The following C20orf203 variants were observed in gnomAD, a reference collection of about 807,000 sequenced individuals.
C20orf203 encodes the protein uncharacterized protein C20orf203.
Under a neutral mutation model 15.9 loss-of-function variants are expected in C20orf203, and 16 were observed. The observed-to-expected ratio is 1.01, with a 90% CI of 0.68 to 1.53. The LOEUF (loss-of-function observed/expected upper bound fraction) is 1.53. Ranked by LOEUF, C20orf203 falls within the 40% of genes most tolerant of loss-of-function variation. The pLI, the probability that C20orf203 is intolerant of heterozygous loss-of-function variation, is 0.00. For synonymous variants in C20orf203, 98 were observed against 97.2 expected, an observed-to-expected ratio of 1.01 and a Z score of -0.05; for missense variants, 263 against 247.5, an observed-to-expected ratio of 1.06 and a Z score of -0.42.
chr20:32,643,801 G>C (rs1025811793), intron 4 of C20orf203, among the ~76,000 whole-genome samples: 2 of 152,152 alleles, frequency 1.3e-5, no homozygotes, highest in Non-Finnish European at 2.9e-5. Flanking sequence ...AAACAATGAT[G>C]GTCAAGGTCA....
At chr20:32,642,449 C>G (rs1982309459) in intron 4 of C20orf203, among the ~76,000 whole-genome samples, 1 of 152,218 alleles carries the variant, frequency 6.6e-6, no homozygotes, top group East Asian at 1.9e-4. Context: ...GAAGTCCACA[C>G]CCCAGGAGGA....
At chr20:32,658,743 A>G (rs535843595) in intron 1 of C20orf203, among the ~76,000 whole-genome samples, 143 of 152,200 alleles carry the variant, frequency 9.4e-4, no homozygotes, top group Non-Finnish European at 1.6e-3. Flanking sequence ...CACAAAGGGT[A>G]GGTGGGGAAT....
chr20:32,636,709 G>T lies in C20orf203; in HGVS notation c.*1300-2439C>A, dbSNP rs543284190. Among the ~76,000 whole-genome samples, 4 of 152,270 alleles carry T rather than the reference G, an allele frequency of 2.6e-5. No individual in the cohort carries two copies. The East Asian group carries it at 7.7e-4, about 29-fold the overall frequency. On this transcript the variant is annotated intron_variant, in intron 5 of 5. Coordinates refer to ENST00000608990, the MANE Select transcript of C20orf203 (RefSeq NM_182584.4). ...TCTGTCCTCCCCGCTCACCCAGGGA[G>T]GGCATATATCTCTTCCATGTCCCTT...
rs1026400306 is a variant in C20orf203, at chr20:32,631,660, T to C, written c.*3910A>G. On this transcript the variant is annotated 3_prime_UTR_variant, in exon 6 of 6. Transcript: ENST00000608990. ...TTACATGGCCTTTTATTCACTACAT[T>C]TTATTAATGTTTGAGATTTTACAAT... 2.0e-5 allele frequency: 3 copies of C among 152,200 alleles called. No homozygotes were observed. The highest frequency in any genetic ancestry group is 3.2e-3 in the Middle Eastern group (1 of 316). The allele number at this position is 152,200 out of a possible 1,614,324, so 9.4% of individuals were successfully genotyped here.
chr20:32,660,496 G>A (rs924178027), intron 1 of C20orf203, among the ~76,000 whole-genome samples: 8 of 152,206 alleles, frequency 5.3e-5, no homozygotes, highest in Non-Finnish European at 8.8e-5. Flanking sequence ...GCTTCTCCCT[G>A]AGTGCCCATG....
At chr20:32,641,581 A>G (rs1046521954) in intron 4 of C20orf203, among the ~76,000 whole-genome samples, 1 of 152,150 alleles carries the variant, frequency 6.6e-6, no homozygotes. Flanking sequence ...TTACATTACC[A>G]TCAGCGGTGT....
intron 4 of C20orf203, among the ~76,000 whole-genome samples, chr20:32,647,028 G>A (rs547513097): frequency 8.5e-5 from 13 of 152,236 alleles, no homozygotes; most frequent in Non-Finnish European, 1.6e-4. Context: ...CTTGATGTGA[G>A]TCTCTGTCCT....
chr20:32,660,935 C>T (rs1408872369), intron 1 of C20orf203, among the ~76,000 whole-genome samples: 1 of 152,122 alleles, frequency 6.6e-6, no homozygotes, highest in Non-Finnish European at 1.5e-5. Context: ...TCATGAGAAC[C>T]GCATGGGGGT....
In C20orf203 at chr20:32,650,449, G is replaced by A. The variant is rs992489240; in HGVS notation, c.568C>T (p.Arg190Trp). Residue 190 changes from arginine (R) to tryptophan (W), a missense_variant, in exon 4 of 6, where the codon CGG becomes TGG. Physicochemically the swap from Arg to Trp is moderately radical, Grantham distance 101. Coordinates refer to ENST00000608990, the MANE Select transcript of C20orf203 (RefSeq NM_182584.4). ...GGGCTCGGCTAATTAAACAGCGACC[G>A]TGATGAATTGGAGAGAAACTGCTGC... The part of the protein sequence containing the change: ...SKQQFLSNSS[R>W]SLFN The A allele has an allele frequency of 1.7e-5, 26 of 1,549,974 alleles. No homozygotes were observed. Among genetic ancestry groups the A allele is most frequent in the African/African-American group, 1.1e-4 (8 of 73,000 alleles).
At chr20:32,657,980 A>AG (rs1465317803) in intron 1 of C20orf203, 1 of 152,146 alleles carries the variant, frequency 6.6e-6, no homozygotes, top group Non-Finnish European at 1.5e-5. Context: ...TAAAAAAAAA[A>AG]AAAGAAAGAA....
chr20:32,660,842 C>T (rs540583164), intron 1 of C20orf203, among the ~76,000 whole-genome samples: 8 of 152,004 alleles, frequency 5.3e-5, no homozygotes, highest in South Asian at 4.2e-4. Context: ...CTTCTTCACA[C>T]GGCGGCAGGA....
At chr20:32,671,371 C>A (rs1469542588) in intron 1 of C20orf203, among the ~76,000 whole-genome samples, 3 of 152,132 alleles carry the variant, frequency 2.0e-5, no homozygotes, top group Non-Finnish European at 2.9e-5. Flanking sequence ...GAAAGCCTGT[C>A]ATGTGCTGCC....
chr20:32,650,825 C>T lies in C20orf203; in HGVS notation c.192G>A (p.Ala64=), dbSNP rs7272020. The T allele has an allele frequency of 0.24, 350,114 of 1,473,060 alleles. 44,896 individuals are homozygous for T. The highest frequency in any genetic ancestry group is 0.27 in the Non-Finnish European group (295,294 of 1,109,658). 91.2% of individuals were successfully genotyped at this position (1,473,060 alleles called of 1,614,324 possible). Residue 64 remains alanine, a synonymous_variant, in exon 4 of 6, where the codon GCG becomes GCA. Transcript: ENST00000608990. ...TAHLWDLGGG[A]GRRTSKAQRV... ...GCTGAGCCTTTGAGGTCCTCCTTCC[C>T]GCCCCACCGCCAAGGTCCCAGAGGT...
chr20:32,657,627 T>C (rs1982793522), intron 1 of C20orf203: 1 of 151,548 alleles, frequency 6.6e-6, no homozygotes, highest in Non-Finnish European at 1.5e-5. Flanking sequence ...AGGTCCAAGA[T>C]ATACCACCAA....
rs920937189 is a variant in C20orf203, at chr20:32,671,612, G to T, written c.-264+2020C>A. On this transcript the variant is annotated intron_variant, in intron 1 of 5. Coordinates refer to ENST00000608990, the MANE Select transcript of C20orf203 (RefSeq NM_182584.4). ...AATCCCAGCACTTTGGGAGGCCGAG[G>T]TGGGCAAATCACCTCAGGTCAGTTT... is the stretch of plus-strand genomic sequence containing the variant. Among the ~76,000 whole-genome samples the T allele has an allele frequency of 4.6e-5, 7 of 152,186 alleles. No homozygotes were observed. The East Asian group carries it at 1.2e-3, about 25-fold the overall frequency.
chr20:32,645,976 T>C (rs1982415840), intron 4 of C20orf203, among the ~76,000 whole-genome samples: 1 of 152,166 alleles, frequency 6.6e-6, no homozygotes, highest in African/African-American at 2.4e-5. Context: ...ACACCTCAAC[T>C]TCTCTGTACC....
At chr20:32,665,219 G>A (rs375218526) in intron 1 of C20orf203, among the ~76,000 whole-genome samples, 13 of 152,196 alleles carry the variant, frequency 8.5e-5, no homozygotes, top group Non-Finnish European at 1.5e-5. Context: ...ACCTACTCCT[G>A]TTTGGGCTAA....
chr20:32,667,233 C>G (rs6087966), intron 1 of C20orf203, among the ~76,000 whole-genome samples: 18,195 of 152,034 alleles, frequency 0.12, 1,480 homozygotes, highest in East Asian at 0.29. Context: ...CCAAGAGCTT[C>G]GAGGTCGTGG....
chr20:32,648,223 C>A (rs1417606315), intron 4 of C20orf203, among the ~76,000 whole-genome samples: 5 of 151,994 alleles, frequency 3.3e-5, no homozygotes, highest in Non-Finnish European at 1.5e-5. Context: ...CTTCCTCAAA[C>A]AGCCTAAGCC....
Sources: gnomAD v4.1 joint callset for allele counts (sites outside exome capture counted in the v4.1 genomes callset) on GRCh38, gnomAD v4.1.1 for gene constraint, MANE v1.5 for transcripts, NCBI Gene and HGNC (gene_info 2026-07-23, HGNC 2026-07-21) for gene names.